CHSY1: variants seen among roughly 807,000 people sequenced by gnomAD.
CHSY1 encodes N-acetylgalactosaminyl-proteoglycan 3-beta-glucuronosyltransferase 1.
CHSY1 carries 13 observed loss-of-function variants against 59.8 expected under a neutral mutation model. That is an observed-to-expected ratio of 0.22 (90% CI 0.14 to 0.35). The LOEUF is 0.35. Among genes scored for constraint, CHSY1 ranks in the 10% least tolerant of loss-of-function variants. The probability of loss-of-function intolerance (pLI) is 1.00; values close to 1 mark genes in which losing one functional copy is unlikely to be tolerated. For missense variants in CHSY1, 947 were observed against 1,030.6 expected (o/e 0.92, Z 1.11); for synonymous variants, 459 against 401.2 (o/e 1.14, Z -1.72).
chr15:101,188,031 C>A (rs1486621469), intron 2 of CHSY1: 1 of 985,368 alleles, frequency 1.0e-6, no homozygotes, highest in Admixed American at 6.1e-5. Flanking sequence ...TTCTTGTCCG[C>A]TGCAAGGAGA....
At chr15:101,195,173 T>C (rs973514651) in intron 2 of CHSY1, among the ~76,000 whole-genome samples, 1 of 152,212 alleles carries the variant, frequency 6.6e-6, no homozygotes, top group Non-Finnish European at 1.5e-5. Flanking sequence ...TCACTCATAA[T>C]CCTACTCTGA....
intron 2 of CHSY1, among the ~76,000 whole-genome samples, chr15:101,188,921 T>C (rs1025142231): frequency 3.9e-5 from 6 of 152,098 alleles, no homozygotes; most frequent in Admixed American, 6.6e-5. Context: ...GGGCAATCAG[T>C]TGAATGCACC....
intron 2 of CHSY1, chr15:101,188,083 T>A (rs925576680): frequency 2.0e-6 from 2 of 985,470 alleles, no homozygotes. Context: ...TGTTAACTGT[T>A]TACATGACTG....
intron 2 of CHSY1, among the ~76,000 whole-genome samples, chr15:101,227,491 A>C (rs1477273932): frequency 1.3e-5 from 2 of 152,366 alleles, no homozygotes; most frequent in Non-Finnish European, 2.9e-5. Context: ...CAAACAAAAA[A>C]ACAGGCTAAA....
chr15:101,200,018 G>A (rs547864072), intron 2 of CHSY1, among the ~76,000 whole-genome samples: 81 of 152,280 alleles, frequency 5.3e-4, no homozygotes, highest in African/African-American at 1.9e-3. Context: ...CACACAATTC[G>A]TTTCACGCAA....
At chr15:101,187,675 T>G (rs1172918700) in intron 2 of CHSY1, 1 of 152,196 alleles carries the variant, frequency 6.6e-6, no homozygotes, top group Non-Finnish European at 1.5e-5. Flanking sequence ...ACAGGTTAAC[T>G]TAATACTCAC....
intron 2 of CHSY1, among the ~76,000 whole-genome samples, chr15:101,221,004 C>T (rs2038783008): frequency 6.6e-6 from 1 of 152,084 alleles, no homozygotes; most frequent in African/African-American, 2.4e-5. Flanking sequence ...CATCAGTCGG[C>T]CGCCTTATCA....
chr15:101,247,531 G>A (rs1001095478), intron 1 of CHSY1, among the ~76,000 whole-genome samples: 1 of 152,156 alleles, frequency 6.6e-6, no homozygotes, highest in Non-Finnish European at 1.5e-5. Context: ...CAGGGTCGGG[G>A]GCCAGAGGGG....
intron 2 of CHSY1, among the ~76,000 whole-genome samples, chr15:101,216,794 G>A (rs1458215019): frequency 1.3e-5 from 2 of 152,212 alleles, no homozygotes; most frequent in African/African-American, 4.8e-5. Context: ...CATTCTGCAT[G>A]ATACTGTAAT....
Position 101,235,529 on chromosome 15 carries a change from C to G in CHSY1, c.369G>C (p.Glu123Asp), listed in dbSNP as rs777319045. 6.2e-6 allele frequency: 10 copies of G among 1,613,540 alleles called. No individual in the cohort carries two copies. The highest frequency in any genetic ancestry group is 8.5e-6 in the Non-Finnish European group (10 of 1,179,984). Residue 123 changes from glutamate (E) to aspartate (D), a missense_variant, in exon 2 of 3, where the codon GAG becomes GAC. By Grantham distance (45) the Glu-to-Asp change is conservative. This residue lies in a region of CHSY1 where 232 missense variants were observed against 188.5 expected (regional missense o/e 1.23). Transcript: ENST00000254190. ...GAATTGGTACAGATGTGTCAGAACC[C>G]TCACTTGAGAAGAACTGAACTTTCC... ...IPGKVQFFSS[E>D]GSDTSVPIPV...
chr15:101,212,844 T>C (rs1004022702), intron 2 of CHSY1, among the ~76,000 whole-genome samples: 2 of 152,224 alleles, frequency 1.3e-5, no homozygotes, highest in Non-Finnish European at 2.9e-5. Flanking sequence ...AGTGTACCAA[T>C]TAACTCTGAA....
intron 2 of CHSY1, among the ~76,000 whole-genome samples, chr15:101,210,575 A>T (rs549995470): frequency 1.1e-4 from 17 of 152,302 alleles, no homozygotes; most frequent in African/African-American, 4.1e-4. Context: ...AATGGAGGAA[A>T]GTGGAGGGAG....
intron 1 of CHSY1, among the ~76,000 whole-genome samples, chr15:101,246,645 A>G (rs1388700299): frequency 6.6e-6 from 1 of 152,232 alleles, no homozygotes; most frequent in Non-Finnish European, 1.5e-5. Context: ...GGAAATGAGA[A>G]CTTAGTCAAC....
intron 2 of CHSY1, among the ~76,000 whole-genome samples, chr15:101,180,753 A>G (rs950867872): frequency 1.3e-5 from 2 of 152,154 alleles, no homozygotes; most frequent in South Asian, 2.1e-4. Flanking sequence ...TACAAACAAC[A>G]TGAAGATAAA....
chr15:101,245,777 G>A (rs189026248), intron 1 of CHSY1, among the ~76,000 whole-genome samples: 7 of 152,256 alleles, frequency 4.6e-5, no homozygotes, highest in Non-Finnish European at 7.4e-5. Context: ...AGAGCCACAT[G>A]GTTCCCTAGT....
rs1486145910 is a variant in CHSY1, at chr15:101,178,418, C to A, written c.1379G>T (p.Gly460Val). ...CCTCACAGGGACCGTCATTTTCTTCCCTTTGTGCTTTTTGTACAGAAGCAG... is the reference window on the plus strand; with the variant it reads ...CCTCACAGGGACCGTCATTTTCTTCACTTTGTGCTTTTTGTACAGAAGCAG... ...DLLLLYKKHK[G>V]KKMTVPVRRH... is the part of the protein sequence containing the mutation. The change falls in exon 3 of 3, where the codon GGG (glycine) becomes GTG (valine). Residue 460 changes from glycine to valine, a missense_variant. By Grantham distance (109) the Gly-to-Val change is moderately radical. Transcript: ENST00000254190. The A allele has an allele frequency of 1.2e-6, 2 of 1,613,672 alleles. No individual in the cohort carries two copies. The highest frequency in any genetic ancestry group is 2.7e-5 in the African/African-American group (2 of 74,898).
At position 101,251,293 on chromosome 15, in the gene CHSY1, G is replaced by A. The variant is rs1309090013; in HGVS notation, c.164C>T (p.Ala55Val). ...GCCGCGCGCCCCGCCGGCCTGGGAA[G>A]CCGCCGCCTGCCCGGACCGGCAGCC... Reference protein sequence around the residue: ...PEGCRSGQAAASQAGGARGDA... With the variant: ...PEGCRSGQAAVSQAGGARGDA... The change falls in exon 1 of 3, where the codon GCT becomes GTT. Residue 55 changes from alanine to valine, a missense_variant. Ala to Val is a moderately conservative substitution (Grantham distance 64). Around this residue, in one of 4 missense-constraint regions of CHSY1, gnomAD observed 232 missense variants for 188.5 expected, o/e 1.23. Transcript: ENST00000254190. 4.9e-6 allele frequency: 6 copies of A among 1,213,716 alleles called. No homozygotes were observed. Among genetic ancestry groups the A allele is most frequent in the Non-Finnish European group, 6.1e-6 (6 of 978,976 alleles). The allele number at this position is 1,213,716 out of a possible 1,614,324, so 75.2% of individuals were successfully genotyped here. A position where few individuals can be genotyped will look rare whatever the true frequency, so the allele number is the denominator to read the frequency against.
At chr15:101,248,927 C>T (rs2039077760) in intron 1 of CHSY1, among the ~76,000 whole-genome samples, 1 of 151,118 alleles carries the variant, frequency 6.6e-6, no homozygotes, top group Non-Finnish European at 1.5e-5. Flanking sequence ...GCTGGGACTA[C>T]AGGCACCTGC....
chr15:101,187,413 A>C (rs1044536618), intron 2 of CHSY1: 1 of 152,290 alleles, frequency 6.6e-6, no homozygotes, highest in Admixed American at 6.5e-5. Context: ...TGGGAAGCGG[A>C]GGGTGCAGTG....
Sources: allele counts gnomAD v4.1 joint callset (sites outside exome capture counted in the v4.1 genomes callset), GRCh38; gene constraint gnomAD v4.1.1; regional missense constraint gnomAD v4.1.1; transcripts MANE v1.5; gene names NCBI Gene and HGNC (gene_info 2026-07-23, HGNC 2026-07-21).